FAT1: variants seen among roughly 807,000 people sequenced by gnomAD.
FAT1 encodes the protein protocadherin Fat 1.
Under a neutral mutation model 329.8 loss-of-function variants are expected in FAT1, and 171 were observed. The ratio of observed to expected loss-of-function variants is 0.52; its 90% confidence interval spans 0.46 to 0.59. The LOEUF (loss-of-function observed/expected upper bound fraction) is 0.59, where lower values mean the gene tolerates loss of function less well. FAT1 is among the 20% of genes least tolerant of loss of function. The probability of loss-of-function intolerance (pLI) is 0.00; values close to 1 mark genes in which losing one functional copy is unlikely to be tolerated. For synonymous variants in FAT1, 2,233 were observed against 2,228.6 expected (o/e 1.00, Z -0.06); for missense variants, 5,672 against 5,774.4 (o/e 0.98, Z 0.57).
At chr4:186,644,735 C>A (rs75898359) in intron 3 of FAT1, among the ~76,000 whole-genome samples, 2,132 of 152,282 alleles carry the variant, frequency 0.014, 85 homozygotes, top group East Asian at 0.14. Flanking sequence ...AAACCATCTC[C>A]AAACTTCTCA....
chr4:186,662,256 T>C (rs1284610421), intron 3 of FAT1, among the ~76,000 whole-genome samples: 1 of 152,228 alleles, frequency 6.6e-6, no homozygotes, highest in Non-Finnish European at 1.5e-5. Context: ...TACCTCTGAC[T>C]TTTCTCTTAT....
chr4:186,639,752 G>C lies in FAT1; in HGVS notation c.3612C>G (p.Asp1204Glu), dbSNP rs554818762. 1 of 1,612,926 alleles carries C rather than the reference G, an allele frequency of 6.2e-7. No homozygotes were observed. Among genetic ancestry groups the C allele is most frequent in the African/African-American group, 1.3e-5 (1 of 74,930 alleles). The change falls in exon 4 of 27, where the codon GAC becomes GAG. Residue 1204 changes from aspartate (D) to glutamate (E), a missense_variant. Transcript: ENST00000441802. The part of the protein sequence containing the change: ...GLITTTSRKL[D>E]REQQDEHILE... ...ATATGTGTTCATCTTGCTGTTCTCG[G>C]TCTAGCTTCCTTGACGTAGTTGTGA...
intron 9 of FAT1, 64 bp from the exon 10 acceptor site, chr4:186,621,839 G>C: frequency 1.0e-6 from 1 of 993,818 alleles, no homozygotes; most frequent in East Asian, 2.7e-5. Flanking sequence ...GTAGTAGTTA[G>C]AGAAACAGAA....
intron 3 of FAT1, among the ~76,000 whole-genome samples, chr4:186,642,260 G>C (rs947957854): frequency 1.3e-5 from 2 of 152,074 alleles, no homozygotes; most frequent in Non-Finnish European, 2.9e-5. Context: ...AGGGCCTGGC[G>C]TGGGTTCCTG....
At position 186,595,708 on chromosome 4, in the gene FAT1, G is replaced by C; in HGVS notation, c.13119C>G (p.Ser4373=). 1 of 1,613,964 alleles carries C rather than the reference G, an allele frequency of 6.2e-7. No homozygotes were observed. Among genetic ancestry groups the C allele is most frequent in the South Asian group, 1.1e-5 (1 of 91,078 alleles). The part of the protein sequence containing the change: ...SEVQSLSSFQ[S]ESCDDNGYHW... ...CCTCACCATTGTCATCGCACGATTC[G>C]GACTGGAAGGAGCTCAGAGACTGCA... The change falls in exon 26 of 27, where the codon TCC becomes TCG. Residue 4373 remains serine (S), a synonymous_variant. Coordinates refer to ENST00000441802, the MANE Select transcript of FAT1 (RefSeq NM_005245.4).
In FAT1 at chr4:186,604,999, ACC is replaced by A. The variant is rs373398343; in HGVS notation, c.10351-427_10351-426del. 4.3e-3 allele frequency among the ~76,000 whole-genome samples: 648 copies of A among 151,994 alleles called. 8 individuals carry two copies. The highest frequency in any genetic ancestry group is 0.015 in the African/African-American group (617 of 41,492). Reference sequence around the variant, plus strand: ...TTTGGGAGGCTGAGGCGGGCGGATCACCTGAGGTCAGGAGTTCGAGACCAGCC... The same window carrying A: ...TTTGGGAGGCTGAGGCGGGCGGATCATGAGGTCAGGAGTTCGAGACCAGCC... On this transcript the variant is annotated intron_variant, in intron 17 of 26. Coordinates refer to ENST00000441802, the MANE Select transcript of FAT1 (RefSeq NM_005245.4).
chr4:186,610,654 A>AT (rs1560931725), intron 14 of FAT1, among the ~76,000 whole-genome samples: 3 of 89,182 alleles, frequency 3.4e-5, no homozygotes, highest in Admixed American at 2.9e-4. Context: ...AATTTATATA[A>AT]ATATAAATTA....
chr4:186,624,046 C>T (rs1241593865), intron 9 of FAT1, among the ~76,000 whole-genome samples: 1 of 152,132 alleles, frequency 6.6e-6, no homozygotes, highest in Non-Finnish European at 1.5e-5. Context: ...TGTGAAGAAA[C>T]AATGAGGGCT....
intron 2 of FAT1, among the ~76,000 whole-genome samples, chr4:186,703,648 G>A (rs148641412): frequency 1.3e-5 from 2 of 152,340 alleles, no homozygotes; most frequent in East Asian, 1.9e-4. Context: ...ATGCCCCCGA[G>A]TTAGGCAAAG....
At chr4:186,711,262 T>C (rs766309235) in intron 1 of FAT1, among the ~76,000 whole-genome samples, 3 of 152,218 alleles carry the variant, frequency 2.0e-5, no homozygotes, top group Non-Finnish European at 2.9e-5. Flanking sequence ...TAAAGCTTAA[T>C]TGATATTGAA....
chr4:186,682,870 G>A (rs1579442477), intron 2 of FAT1, among the ~76,000 whole-genome samples: 1 of 152,152 alleles, frequency 6.6e-6, no homozygotes. Context: ...AAAACCTAGC[G>A]ATGGGACTCC....
intron 7 of FAT1, among the ~76,000 whole-genome samples, chr4:186,629,677 G>A (rs922348425): frequency 6.6e-6 from 1 of 152,222 alleles, no homozygotes; most frequent in Non-Finnish European, 1.5e-5. Context: ...CAACCACATG[G>A]TGCAGGCCAT....
chr4:186,678,838 T>G (rs1038356450), intron 2 of FAT1, among the ~76,000 whole-genome samples: 1 of 152,088 alleles, frequency 6.6e-6, no homozygotes, highest in African/African-American at 2.4e-5. Context: ...GCAATCCCAT[T>G]ACTTGGTATA....
intron 2 of FAT1, among the ~76,000 whole-genome samples, chr4:186,666,298 T>C (rs1742437671): frequency 6.6e-6 from 1 of 152,192 alleles, no homozygotes; most frequent in Non-Finnish European, 1.5e-5. Context: ...TGCTTCCCTG[T>C]TCTCTAACCC....
chr4:186,663,322 A>G lies in FAT1; in HGVS notation c.3557T>C (p.Phe1186Ser), dbSNP rs191313067. Residue 1186 changes from phenylalanine (F) to serine (S), a missense_variant, in exon 3 of 27, where the codon TTC (phenylalanine) becomes TCC (serine). This residue lies in a region of FAT1 where 3,966 missense variants were observed against 3,915.2 expected (regional missense o/e 1.01). Transcript: ENST00000441802. ...YKITSGNPQGFFSIHPKTGLI... is the reference protein window; with the variant it reads ...YKITSGNPQGSFSIHPKTGLI... ...ACCTGTTTTAGGATGTATTGAAAAG[A>G]ATCCTTGTGGATTTCCACTTGTAAT... The G allele has an allele frequency of 6.2e-7, 1 of 1,613,640 alleles. No individual in the cohort carries two copies. The highest frequency in any genetic ancestry group is 1.3e-5 in the African/African-American group (1 of 75,060).
upstream of FAT1, among the ~76,000 whole-genome samples, chr4:186,724,777 C>G (rs559578218): frequency 6.6e-6 from 1 of 152,342 alleles, no homozygotes; most frequent in Admixed American, 6.5e-5. This position sits in a 1 kb window ranked among gnomAD's most constrained non-coding sequence, Gnocchi z 5.3. Context: ...CGCTGGGACG[C>G]AGCCCGGACA....
intron 11 of FAT1, among the ~76,000 whole-genome samples, chr4:186,616,445 G>A (rs1739716221): frequency 6.6e-6 from 1 of 151,968 alleles, no homozygotes; most frequent in Admixed American, 6.6e-5. Context: ...AGCTGAGCCA[G>A]CCCTTTCTCT....
At chr4:186,686,242 C>G (rs538875603) in intron 2 of FAT1, among the ~76,000 whole-genome samples, 1 of 146,940 alleles carries the variant, frequency 6.8e-6, no homozygotes, top group African/African-American at 2.5e-5. Flanking sequence ...ATTTTCACCC[C>G]CCCCCGACAT....
At chr4:186,629,947 A>C (rs1740511047) in intron 7 of FAT1, among the ~76,000 whole-genome samples, 1 of 152,246 alleles carries the variant, frequency 6.6e-6, no homozygotes, top group African/African-American at 2.4e-5. Context: ...ATTCATTTCC[A>C]CTATAAATTT....
Sources: allele counts gnomAD v4.1 joint callset (sites outside exome capture counted in the v4.1 genomes callset), GRCh38; gene constraint gnomAD v4.1.1; regional missense constraint gnomAD v4.1.1; non-coding constraint Gnocchi (gnomAD v3.1); transcripts MANE v1.5; gene names NCBI Gene and HGNC (gene_info 2026-07-23, HGNC 2026-07-21).